NEDD4: variants seen among roughly 807,000 people sequenced by gnomAD.
NEDD4 encodes the protein E3 ubiquitin-protein ligase NEDD4.
A neutral mutation model predicts 144.9 loss-of-function variants in NEDD4; 99 were observed. The ratio of observed to expected loss-of-function variants is 0.68; its 90% confidence interval spans 0.58 to 0.81. The LOEUF (loss-of-function observed/expected upper bound fraction) is 0.81. NEDD4 is among the 30% of genes least tolerant of loss of function. The pLI is 0.00. For synonymous variants in NEDD4, 318 were observed against 350.6 expected (o/e 0.91, Z 1.04); for missense variants, 985 against 1,065.9 (o/e 0.92, Z 1.06).
At chr15:55,961,465 G>GTATTATTATTATTATTATTATTATTAT (rs58665877) in intron 2 of NEDD4, among the ~76,000 whole-genome samples, 5 of 150,766 alleles carry the variant, frequency 3.3e-5, no homozygotes, top group African/African-American at 1.2e-4. Flanking sequence ...TAAGTTTGTG[G>GTATTATTATTATTATTATTATTATTAT]TATTATTATT....
intron 5 of NEDD4, among the ~76,000 whole-genome samples, chr15:55,897,975 C>T (rs1446302731): frequency 2.0e-5 from 3 of 152,138 alleles, no homozygotes; most frequent in Non-Finnish European, 2.9e-5. Flanking sequence ...GAATATTTTA[C>T]GTGAATTTCT....
At chr15:55,913,142 T>C (rs1434175997) in intron 5 of NEDD4, among the ~76,000 whole-genome samples, 1 of 152,124 alleles carries the variant, frequency 6.6e-6, no homozygotes, top group African/African-American at 2.4e-5. Context: ...AGCAGTGATT[T>C]AATTTCACGG....
intron 4 of NEDD4, among the ~76,000 whole-genome samples, chr15:55,943,692 C>A (rs1433330484): frequency 2.6e-5 from 4 of 152,202 alleles, no homozygotes; most frequent in Non-Finnish European, 5.9e-5. Flanking sequence ...TGGAGAACTT[C>A]TATTAGGGCA....
Position 55,860,660 on chromosome 15 carries a change from C to T in NEDD4, c.792+1G>A. 2 of 1,614,058 alleles carry T rather than the reference C, an allele frequency of 1.2e-6. No homozygotes were observed. Among genetic ancestry groups the T allele is most frequent in the South Asian group, 1.1e-5 (1 of 91,080 alleles). On this transcript the variant is annotated splice_donor_variant, in intron 10 of 28. Transcript: ENST00000435532. LOFTEE classifies it high-confidence loss of function. ...AAGGAGAACTAGGAAACTACTTATA[C>T]CTCGGAAGACTCTCGGTTGTCAACA...
At chr15:55,929,318 T>A (rs1364215140) in intron 4 of NEDD4, among the ~76,000 whole-genome samples, 1 of 152,224 alleles carries the variant, frequency 6.6e-6, no homozygotes, top group African/African-American at 2.4e-5. Flanking sequence ...AATATAAGCA[T>A]CAGATTTTTT....
At chr15:55,896,368 G>A (rs1289240075) in intron 5 of NEDD4, among the ~76,000 whole-genome samples, 1 of 151,980 alleles carries the variant, frequency 6.6e-6, no homozygotes, top group African/African-American at 2.4e-5. Flanking sequence ...TTTTTTTGTA[G>A]AGATGGGGTT....
chr15:55,932,411 A>C (rs2036800008), intron 4 of NEDD4, among the ~76,000 whole-genome samples: 2 of 152,356 alleles, frequency 1.3e-5, no homozygotes, highest in Middle Eastern at 3.4e-3. Flanking sequence ...AAAAACAAGA[A>C]ACGGGGAAAG....
intron 12 of NEDD4, among the ~76,000 whole-genome samples, chr15:55,855,046 A>G (rs567304687): frequency 6.6e-6 from 1 of 152,136 alleles, no homozygotes; most frequent in African/African-American, 2.4e-5. Flanking sequence ...GAGTGAGAGT[A>G]AGGCTAGCGA....
intron 5 of NEDD4, among the ~76,000 whole-genome samples, chr15:55,923,279 G>A (rs1275011410): frequency 2.6e-5 from 4 of 152,230 alleles, no homozygotes; most frequent in Non-Finnish European, 4.4e-5. Flanking sequence ...CAAAAACACA[G>A]ACAGAAAACA....
At chr15:55,858,647 T>C (rs1392993997) in intron 11 of NEDD4, among the ~76,000 whole-genome samples, 1 of 152,028 alleles carries the variant, frequency 6.6e-6, no homozygotes, top group Non-Finnish European at 1.5e-5. Flanking sequence ...CCCACTCCCC[T>C]GTGAAAAAAT....
intron 1 of NEDD4, among the ~76,000 whole-genome samples, chr15:55,991,277 T>A (rs542049458): frequency 6.6e-6 from 1 of 152,232 alleles, no homozygotes; most frequent in South Asian, 2.1e-4. Context: ...TTTCTTCCTT[T>A]AACAAAAGGG....
At chr15:55,958,161 T>C (rs1422689248) in intron 2 of NEDD4, among the ~76,000 whole-genome samples, 2 of 152,224 alleles carry the variant, frequency 1.3e-5, no homozygotes, top group African/African-American at 2.4e-5. Context: ...TAATACAGTG[T>C]ATTACATCAG....
intron 2 of NEDD4, among the ~76,000 whole-genome samples, chr15:55,954,955 A>T (rs1269431822): frequency 6.8e-6 from 1 of 147,718 alleles, no homozygotes; most frequent in Non-Finnish European, 1.5e-5. Context: ...AAGAATATTT[A>T]ACATGACCTC....
intron 18 of NEDD4, 113 bp downstream of exon 18, chr15:55,846,856 T>C (rs1196631657): frequency 3.4e-6 from 2 of 588,534 alleles, no homozygotes; most frequent in Non-Finnish European, 5.8e-6. Flanking sequence ...GGAAAAACTG[T>C]TCACTCAAAG....
At position 55,899,672 on chromosome 15, in the gene NEDD4, G is replaced by A. The variant is rs1302989094; in HGVS notation, c.291+24974C>T. ...CTCAATACACTGGATCATTGTGAAA[G>A]TACAGGGGTATCAATGTCTTGCAGC... On this transcript the variant is annotated intron_variant, in intron 5 of 28. Coordinates refer to ENST00000435532, the MANE Select transcript of NEDD4 (RefSeq NM_006154.4). Among the ~76,000 whole-genome samples, 6 of 152,320 alleles carry A rather than the reference G, an allele frequency of 3.9e-5. No individual in the cohort carries two copies. In the East Asian group the frequency reaches 7.7e-4, roughly 20 times the overall value.
At chr15:55,971,027 G>T (rs1055903092) in intron 1 of NEDD4, among the ~76,000 whole-genome samples, 1 of 152,084 alleles carries the variant, frequency 6.6e-6, no homozygotes, top group Non-Finnish European at 1.5e-5. Context: ...GAAGCTCAAT[G>T]AAATACAAGA....
In NEDD4 at chr15:55,840,723, T is replaced by C; in HGVS notation, c.1843A>G (p.Asn615Asp). 1 of 1,610,234 alleles carries C rather than the reference T, an allele frequency of 6.2e-7. No homozygotes were observed. The highest frequency in any genetic ancestry group is 8.5e-7 in the Non-Finnish European group (1 of 1,178,940). Reference protein sequence around the residue: ...YGLFEYSATDNYTLQINPNSG... With the variant: ...YGLFEYSATDDYTLQINPNSG... ...TTTGGATTTATCTGTAGGGTATAAT[T>C]GTCCCTGTAAAGACAACCCCATTTA... Residue 615 changes from asparagine (N) to aspartate (D), a missense_variant, in exon 20 of 29, where the codon AAT becomes GAT. Transcript: ENST00000435532.
rs1351677742 is a variant in NEDD4, at chr15:55,829,335, C to G, written c.*562G>C. 3 of 152,224 alleles carry G rather than the reference C, an allele frequency of 2.0e-5. No individual in the cohort carries two copies. Among genetic ancestry groups the G allele is most frequent in the Non-Finnish European group, 4.4e-5 (3 of 68,022 alleles). The allele number at this position is 152,224 out of a possible 1,614,324, so 9.4% of individuals were successfully genotyped here. A position where few individuals can be genotyped will look rare whatever the true frequency, so the allele number is the denominator to read the frequency against. On this transcript the variant is annotated 3_prime_UTR_variant, in exon 29 of 29. Transcript: ENST00000435532. ...GGTAACACACTTTCCAAAGTTTTTT[C>G]CCAAAAATCTAGGCAGTAAGGTGCA...
chr15:55,887,793 G>A (rs2035440972), intron 5 of NEDD4, among the ~76,000 whole-genome samples: 1 of 152,076 alleles, frequency 6.6e-6, no homozygotes, highest in South Asian at 2.1e-4. Context: ...CATGACCAAG[G>A]GGGATTCATT....
Sources: allele counts gnomAD v4.1 joint callset (sites outside exome capture counted in the v4.1 genomes callset), GRCh38; gene constraint gnomAD v4.1.1; transcripts MANE v1.5; gene names NCBI Gene and HGNC (gene_info 2026-07-23, HGNC 2026-07-21).